Variants in USP42 observed in about 807,000 individuals in gnomAD.
USP42 encodes the protein ubiquitin specific peptidase 42.
Under a neutral mutation model 113.0 loss-of-function variants are expected in USP42, and 23 were observed. The ratio of observed to expected loss-of-function variants is 0.20; its 90% CI spans 0.15 to 0.29. The LOEUF is 0.29. USP42 is among the 10% of genes least tolerant of loss of function. The pLI is 1.00. For missense variants in USP42, 2,174 were observed against 1,779.8 expected, an observed-to-expected ratio of 1.22 and a Z score of -3.99; for synonymous variants, 933 against 699.0, an observed-to-expected ratio of 1.33 and a Z score of -5.28.
intron 15 of USP42, 98 bp from the exon 16 acceptor site, chr7:6,156,656 G>A (rs1161810128): frequency 1.4e-6 from 2 of 1,442,842 alleles, no homozygotes; most frequent in East Asian, 5.0e-5. Context: ...TCTGCACAGT[G>A]AATGTTCTCG....
upstream of USP42, among the ~76,000 whole-genome samples, chr7:6,104,057 T>C (rs1323213405): frequency 1.3e-5 from 2 of 151,138 alleles, no homozygotes; most frequent in Non-Finnish European, 2.9e-5. Context: ...CACTCCAGCC[T>C]GGGCTACAGA....
intron 3 of USP42, among the ~76,000 whole-genome samples, chr7:6,134,567 C>G (rs541054506): frequency 2.0e-5 from 3 of 152,308 alleles, no homozygotes; most frequent in Admixed American, 2.0e-4. Flanking sequence ...GCTGCCAACA[C>G]TTTGGGTGAC....
chr7:6,120,794 A>G (rs1302688724), intron 3 of USP42, among the ~76,000 whole-genome samples: 3 of 148,642 alleles, frequency 2.0e-5, no homozygotes, highest in East Asian at 2.1e-4. Context: ...CTGTTGGCCA[A>G]GCTGGTCTCG....
At chr7:6,118,091 T>C (rs567836935) in intron 3 of USP42, among the ~76,000 whole-genome samples, 3 of 152,142 alleles carry the variant, frequency 2.0e-5, no homozygotes, top group Non-Finnish European at 4.4e-5. Flanking sequence ...TTCGTTGTGC[T>C]GTAGGTGTTT....
chr7:6,153,292 TGAAACAAAACAAAAA>T (rs1782179370), intron 14 of USP42, among the ~76,000 whole-genome samples: 1 of 117,418 alleles, frequency 8.5e-6, no homozygotes, highest in Admixed American at 8.2e-5. Flanking sequence ...CAAAACAAAA[TGAAACAAAACAAAAA>T]AAAAAAATAG....
chr7:6,101,983 G>A (rs1424370140), upstream of USP42, among the ~76,000 whole-genome samples: 5 of 150,262 alleles, frequency 3.3e-5, no homozygotes, highest in Admixed American at 6.6e-5. Flanking sequence ...TGAGGCAGAA[G>A]AATTGCTTGA....
At chr7:6,127,462 T>C (rs1780602400) in intron 3 of USP42, among the ~76,000 whole-genome samples, 1 of 152,226 alleles carries the variant, frequency 6.6e-6, no homozygotes, top group Non-Finnish European at 1.5e-5. Context: ...AGTTTTTTTT[T>C]TTAGAAACTG....
At chr7:6,086,845 C>T in the USP42 span, among the ~76,000 whole-genome samples, 1 of 150,676 alleles carries the variant, frequency 6.6e-6, no homozygotes, top group Non-Finnish European at 1.5e-5. Flanking sequence ...CCTACCTCAG[C>T]CTCCCGAGTA....
chr7:6,153,716 C>G, intron 14 of USP42, 40 bp from the exon 15 acceptor site: 1 of 1,426,804 alleles, frequency 7.0e-7, no homozygotes, highest in Non-Finnish European at 9.2e-7. Context: ...GCCTGTCAAG[C>G]CCACGCTAAC....
intron 4 of USP42, among the ~76,000 whole-genome samples, chr7:6,137,213 G>A (rs1781197005): frequency 6.6e-6 from 1 of 152,160 alleles, no homozygotes; most frequent in Non-Finnish European, 1.5e-5. Context: ...TGCCTAGAAA[G>A]CCACTGAAGA....
Position 6,154,807 on chromosome 7 carries a change from C to A in USP42, c.3253C>A (p.Arg1085=). ...CTTCCACGGCGGCCGCGAGCACGAGCGGGCCGGGCTGCACGAGCGGCCGCA... is the reference window on the plus strand; with the variant it reads ...CTTCCACGGCGGCCGCGAGCACGAGAGGGCCGGGCTGCACGAGCGGCCGCA... The part of the protein sequence containing the change: ...KPFHGGREHE[R]AGLHERPHKD... The change falls in exon 15 of 18, where the codon CGG becomes AGG. Residue 1085 remains arginine, a synonymous_variant. Coordinates refer to ENST00000306177, the MANE Select transcript of USP42 (RefSeq NM_032172.3). The A allele has an allele frequency of 1.3e-6, 2 of 1,545,068 alleles. No homozygotes were observed. The highest frequency in any genetic ancestry group is 1.7e-6 in the Non-Finnish European group (2 of 1,144,166).
At chr7:6,118,336 A>G (rs908680652) in intron 3 of USP42, among the ~76,000 whole-genome samples, 6 of 152,196 alleles carry the variant, frequency 3.9e-5, no homozygotes, top group African/African-American at 1.2e-4. Context: ...AGTTTGGGCA[A>G]CATGGTGAAA....
Position 6,156,811 on chromosome 7 carries a change from C to G in USP42, c.3699C>G (p.His1233Gln). The change falls in exon 16 of 18, where the codon CAC becomes CAG. Residue 1233 changes from histidine to glutamine, a missense_variant. Coordinates refer to ENST00000306177, the MANE Select transcript of USP42 (RefSeq NM_032172.3). ...AACSDADLHR[H>Q]KKKKKKKKRH... is the part of the protein sequence containing the mutation. ...GCTCTGACGCTGACCTCCACAGACA[C>G]AAAAAAAAGAAGAAGAAAAAGAAGA... 6.2e-7 allele frequency: 1 copy of G among 1,603,930 alleles called. No homozygotes were observed. Among genetic ancestry groups the G allele is most frequent in the Non-Finnish European group, 8.5e-7 (1 of 1,176,640 alleles).
At position 6,143,018 on chromosome 7, in the gene USP42, C is replaced by T. The variant is rs368526993; in HGVS notation, c.878+4C>T. 47 of 1,613,902 alleles carry T rather than the reference C, an allele frequency of 2.9e-5. No individual in the cohort carries two copies. The African/African-American group carries it at 4.0e-4, about 14-fold the overall frequency. On this transcript the variant is annotated splice_donor_region_variant and intron_variant, in intron 8 of 17. Coordinates refer to ENST00000306177, the MANE Select transcript of USP42 (RefSeq NM_032172.3). ...AAAACTCGTACAAGTGCAGCAAGTA[C>T]GTTGGGTGGTGACTTGATTCTTGAT...
At chr7:6,119,436 G>A (rs28880007) in intron 3 of USP42, among the ~76,000 whole-genome samples, 9,841 of 152,144 alleles carry the variant, frequency 0.065, 498 homozygotes, top group African/African-American at 0.13. Flanking sequence ...GTGCAGGTAC[G>A]CTGCAGCCTG....
intron 4 of USP42, among the ~76,000 whole-genome samples, chr7:6,136,528 TTAAAA>T (rs1013316730): frequency 1.3e-5 from 2 of 152,202 alleles, no homozygotes; most frequent in African/African-American, 4.8e-5. Flanking sequence ...AATCAATATG[TTAAAA>T]TAATTGGTAA....
intron 3 of USP42, chr7:6,128,240 A>G (rs962205985): frequency 6.7e-6 from 1 of 149,066 alleles, no homozygotes; most frequent in Non-Finnish European, 1.5e-5. Flanking sequence ...GGTGTGAGCC[A>G]CTGTGCCTGG....
chr7:6,155,812 T>C (rs1562860529), intron 15 of USP42, among the ~76,000 whole-genome samples: 1 of 152,188 alleles, frequency 6.6e-6, no homozygotes, highest in Non-Finnish European at 1.5e-5. Context: ...AGTGCAGTGA[T>C]GCCATCATAA....
rs192821006 is a variant in USP42, at chr7:6,156,399, T to C, written c.3642-355T>C. On this transcript the variant is annotated intron_variant, in intron 15 of 17. Transcript: ENST00000306177. ...GAGATGGGACTGTTCAGGATGGAGCTAAAGTTGGTGAATTTATGGCCCTGG... is the reference window on the plus strand; with the variant it reads ...GAGATGGGACTGTTCAGGATGGAGCCAAAGTTGGTGAATTTATGGCCCTGG... 3.9e-5 allele frequency among the ~76,000 whole-genome samples: 6 copies of C among 152,306 alleles called. No individual in the cohort carries two copies. The East Asian group carries it at 9.7e-4, about 25-fold the overall frequency.
Sources: gnomAD v4.1 joint callset for allele counts (sites outside exome capture counted in the v4.1 genomes callset) on GRCh38, gnomAD v4.1.1 for gene constraint, MANE v1.5 for transcripts, NCBI Gene and HGNC (gene_info 2026-07-23, HGNC 2026-07-21) for gene names.